Variants in TRIO observed in about 807,000 individuals in gnomAD.
TRIO encodes the protein trio Rho guanine nucleotide exchange factor.
Under a neutral mutation model 351.9 loss-of-function variants are expected in TRIO, and 58 were observed. That is an observed-to-expected ratio of 0.16 (90% CI 0.13 to 0.21). The LOEUF is 0.21. Ranked by LOEUF, TRIO falls within the 10% of genes least tolerant of loss-of-function variation. TRIO has a pLI of 1.00. For synonymous variants in TRIO, 1,758 were observed against 1,595.7 expected (o/e 1.10, Z -2.42); for missense variants, 3,201 against 4,027.8 (o/e 0.79, Z 5.56).
intron 36 of TRIO, among the ~76,000 whole-genome samples, chr5:14,465,049 C>T (rs1177960453): frequency 6.6e-6 from 1 of 152,112 alleles, no homozygotes; most frequent in Non-Finnish European, 1.5e-5. Context: ...CACCCCGTTC[C>T]TTTCCTCTTC....
At chr5:14,345,262 ACAT>A (rs1320579001) in intron 11 of TRIO, among the ~76,000 whole-genome samples, 1 of 152,228 alleles carries the variant, frequency 6.6e-6, no homozygotes, top group Non-Finnish European at 1.5e-5. Context: ...TATACCTGAC[ACAT>A]CATAGTCACC....
chr5:14,192,373 C>T (rs1790513365), intron 1 of TRIO, among the ~76,000 whole-genome samples: 2 of 152,018 alleles, frequency 1.3e-5, no homozygotes, highest in Admixed American at 1.3e-4. Flanking sequence ...GATCCTCCCA[C>T]CTCAGCCTCC....
intron 9 of TRIO, among the ~76,000 whole-genome samples, chr5:14,322,633 C>CT (rs1435106477): frequency 1.3e-5 from 2 of 152,212 alleles, no homozygotes; most frequent in African/African-American, 4.8e-5. Context: ...GCATCACCTA[C>CT]ACTAGACCTA....
intron 8 of TRIO, among the ~76,000 whole-genome samples, chr5:14,305,217 G>C (rs1211059752): frequency 6.6e-6 from 1 of 152,230 alleles, no homozygotes; most frequent in East Asian, 1.9e-4. Context: ...AGTGGAGCAG[G>C]GTTAGCCCAG....
At chr5:14,203,176 C>A (rs1482266371) in intron 1 of TRIO, among the ~76,000 whole-genome samples, 2 of 152,144 alleles carry the variant, frequency 1.3e-5, no homozygotes, top group African/African-American at 4.8e-5. Context: ...AAACTGTAAT[C>A]TGTTCTTAAA....
At chr5:14,362,496 CTCT>C (rs1261083191) in intron 13 of TRIO, among the ~76,000 whole-genome samples, 1 of 152,156 alleles carries the variant, frequency 6.6e-6, no homozygotes, top group African/African-American at 2.4e-5. Flanking sequence ...TGTCCTCCTC[CTCT>C]TCTTTTCATG....
intron 18 of TRIO, among the ~76,000 whole-genome samples, chr5:14,373,625 C>T (rs1275020393): frequency 6.6e-6 from 1 of 152,108 alleles, no homozygotes; most frequent in African/African-American, 2.4e-5. Flanking sequence ...TAAACATAAA[C>T]ACATATTGTC....
chr5:14,477,779 G>A (rs1178497432), intron 41 of TRIO, among the ~76,000 whole-genome samples: 1 of 152,192 alleles, frequency 6.6e-6, no homozygotes, highest in Non-Finnish European at 1.5e-5. Context: ...GAAGATACCA[G>A]GTCACAGACT....
chr5:14,283,337 TAGAC>T (rs910072258), intron 3 of TRIO, among the ~76,000 whole-genome samples: 2 of 152,150 alleles, frequency 1.3e-5, no homozygotes, highest in East Asian at 3.9e-4. Context: ...ATTCCTCAGT[TAGAC>T]AGTCACAGGG....
chr5:14,481,770 C>CTT, intron 45 of TRIO, 152 bp downstream of exon 45: 5 of 363,738 alleles, frequency 1.4e-5, no homozygotes, highest in South Asian at 6.7e-5. Flanking sequence ...TATTTTATTT[C>CTT]CTTTTTTTTT....
At chr5:14,228,112 G>A (rs1014200765) in intron 1 of TRIO, among the ~76,000 whole-genome samples, 1 of 152,138 alleles carries the variant, frequency 6.6e-6, no homozygotes, top group East Asian at 1.9e-4. Context: ...TTTCCTAGTA[G>A]AGGAAACTGT....
intron 34 of TRIO, among the ~76,000 whole-genome samples, chr5:14,435,093 C>T (rs573321988): frequency 4.5e-4 from 68 of 152,298 alleles, no homozygotes; most frequent in South Asian, 1.2e-3. Context: ...AAAGTAGTGT[C>T]GCAGGACTTT....
chr5:14,173,987 A>T (rs957584593), intron 1 of TRIO, among the ~76,000 whole-genome samples: 5 of 152,234 alleles, frequency 3.3e-5, no homozygotes, highest in African/African-American at 1.2e-4. Context: ...AGCGGCTGCA[A>T]GTCCATTTAT....
intron 19 of TRIO, among the ~76,000 whole-genome samples, chr5:14,377,288 T>C (rs984389092): frequency 1.3e-5 from 2 of 151,628 alleles, no homozygotes; most frequent in Non-Finnish European, 2.9e-5. Flanking sequence ...CCCTGTCGCC[T>C]AGGCTGGAGT....
At chr5:14,380,595 C>T (rs1447902731) in intron 20 of TRIO, among the ~76,000 whole-genome samples, 5 of 150,578 alleles carry the variant, frequency 3.3e-5, no homozygotes, top group Non-Finnish European at 7.4e-5. Flanking sequence ...TTCATGGTTA[C>T]AAGAAACTCA....
At chr5:14,364,218 T>G (rs1424499803) in intron 14 of TRIO, among the ~76,000 whole-genome samples, 2 of 152,218 alleles carry the variant, frequency 1.3e-5, no homozygotes, top group African/African-American at 4.8e-5. Context: ...AGGAAAACAT[T>G]TTCACATTCT....
intron 33 of TRIO, among the ~76,000 whole-genome samples, chr5:14,414,954 A>G (rs960358581): frequency 5.3e-5 from 8 of 152,172 alleles, no homozygotes; most frequent in African/African-American, 1.2e-4. Context: ...CTGGCTGCCT[A>G]TAGTTACCCT....
chr5:14,429,013 GTACA>G (rs1750877484), intron 34 of TRIO, among the ~76,000 whole-genome samples: 1 of 152,214 alleles, frequency 6.6e-6, no homozygotes, highest in Admixed American at 6.5e-5. Flanking sequence ...TTGCTACTTA[GTACA>G]CAAACGGGGT....
intron 18 of TRIO, 56 bp from the exon 19 acceptor site, chr5:14,374,173 A>G: frequency 7.2e-7 from 1 of 1,396,774 alleles, no homozygotes; most frequent in Non-Finnish European, 1.0e-6. Context: ...TGTGTACTCC[A>G]AATACACGTT....
Sources: gnomAD v4.1 joint callset for allele counts (sites outside exome capture counted in the v4.1 genomes callset) on GRCh38, gnomAD v4.1.1 for gene constraint, MANE v1.5 for transcripts, NCBI Gene and HGNC (gene_info 2026-07-23, HGNC 2026-07-21) for gene names.